Variants in MYH7B observed in about 807,000 individuals in gnomAD.
MYH7B encodes myosin-7B.
In MYH7B, 205 loss-of-function variants were observed where a neutral mutation model predicts 234.5. The observed-to-expected ratio is 0.87, with a 90% CI of 0.78 to 0.98. MYH7B has a LOEUF of 0.98. Among genes scored for constraint, MYH7B ranks in the 50% least tolerant of loss-of-function variants. The probability of loss-of-function intolerance (pLI) is 0.00; values close to 1 mark genes in which losing one functional copy is unlikely to be tolerated. For missense variants in MYH7B, 2,652 were observed against 2,633.4 expected, an observed-to-expected ratio of 1.01 and a Z score of -0.15; for synonymous variants, 1,193 against 1,105.0, an observed-to-expected ratio of 1.08 and a Z score of -1.58.
chr20:34,993,162 C>G (rs772186646), exon 25 of MYH7B: 2 of 1,614,032 alleles, frequency 1.2e-6, no homozygotes, highest in South Asian at 2.2e-5. Flanking sequence ...GCAGGAAGGC[C>G]ACAGAGAAAC....
chr20:34,966,964 C>G (rs924689542), intron 2 of MYH7B, among the ~76,000 whole-genome samples: 1 of 151,852 alleles, frequency 6.6e-6, no homozygotes, highest in East Asian at 1.9e-4. Context: ...AGCACGGTGG[C>G]TCACACCTGT....
At chr20:34,993,268 TCA>T in intron 25 of MYH7B, 43 bp downstream of exon 25, 2 of 1,613,840 alleles carry the variant, frequency 1.2e-6, no homozygotes, top group Non-Finnish European at 1.7e-6. Flanking sequence ...GCTGTGGCGG[TCA>T]CACTGGGCAG....
chr20:34,963,487 C>T (rs2081716409), intron 2 of MYH7B, among the ~76,000 whole-genome samples: 1 of 152,154 alleles, frequency 6.6e-6, no homozygotes, highest in Non-Finnish European at 1.5e-5. Context: ...ATAGTAGATC[C>T]TTCCTTATAT....
intron 10 of MYH7B, 41 bp downstream of exon 10, chr20:34,982,596 G>T: frequency 1.4e-6 from 2 of 1,446,822 alleles, no homozygotes; most frequent in South Asian, 1.3e-5. Flanking sequence ...GTTGCTTCTC[G>T]CTGTTTTTCT....
At chr20:35,000,875 C>T (rs367704157) in exon 40 of MYH7B, 1 of 1,612,318 alleles carries the variant, frequency 6.2e-7, no homozygotes, top group South Asian at 1.1e-5. Context: ...AGGAGAAGGC[C>T]AAAAAGGCCA....
chr20:35,000,479 G>A (rs759327171), exon 39 of MYH7B: 4 of 1,601,102 alleles, frequency 2.5e-6, no homozygotes, highest in Non-Finnish European at 2.5e-6. Context: ...TGCAGGCACA[G>A]CTCAAGGAGG....
At chr20:34,972,757 G>T (rs1341745452) in intron 2 of MYH7B, among the ~76,000 whole-genome samples, 1 of 152,048 alleles carries the variant, frequency 6.6e-6, no homozygotes, top group African/African-American at 2.4e-5. Context: ...TCAGCCTCCT[G>T]AGTAGCTGAG....
intron 19 of MYH7B, among the ~76,000 whole-genome samples, chr20:34,988,865 A>C (rs2082086416): frequency 7.1e-6 from 1 of 140,392 alleles, no homozygotes; most frequent in African/African-American, 2.7e-5. Flanking sequence ...GCTGGAGTAC[A>C]ATGGCACCAT....
exon 43 of MYH7B, chr20:35,001,451 C>A (rs747791000): frequency 4.4e-6 from 7 of 1,604,468 alleles, no homozygotes; most frequent in Non-Finnish European, 6.0e-6. Flanking sequence ...ACAGGAAGAA[C>A]CTGGCTCGCA....
intron 27 of MYH7B, 145 bp downstream of exon 27, chr20:34,994,546 C>T: frequency 1.9e-6 from 2 of 1,037,816 alleles, no homozygotes; most frequent in Non-Finnish European, 2.7e-6. Context: ...CTCCATGTCC[C>T]AGCCTCACCA....
intron 2 of MYH7B, among the ~76,000 whole-genome samples, chr20:34,969,116 A>T (rs986482132): frequency 1.6e-4 from 25 of 151,986 alleles, no homozygotes; most frequent in Non-Finnish European, 1.5e-5. Flanking sequence ...TTGCATAGAC[A>T]CATCTTGTCC....
At chr20:34,999,077 G>A in exon 36 of MYH7B, 3 of 1,611,516 alleles carry the variant, frequency 1.9e-6, no homozygotes, top group Non-Finnish European at 2.5e-6. Flanking sequence ...CACTGCGGCT[G>A]CAGGAGGCAG....
chr20:34,988,301 T>A, intron 19 of MYH7B, 39 bp downstream of exon 19: 2 of 1,586,746 alleles, frequency 1.3e-6, no homozygotes, highest in Non-Finnish European at 1.7e-6. Context: ...GAAGGGAGGG[T>A]GTGTGTGGTG....
chr20:34,984,107 C>T (rs1047385542), intron 10 of MYH7B, among the ~76,000 whole-genome samples: 2 of 152,212 alleles, frequency 1.3e-5, no homozygotes, highest in Admixed American at 1.3e-4. Context: ...CCACTCCCTG[C>T]CCAGAGCTAA....
At chr20:34,969,286 G>C (rs1298729479) in intron 2 of MYH7B, among the ~76,000 whole-genome samples, 1 of 152,102 alleles carries the variant, frequency 6.6e-6, no homozygotes, top group Admixed American at 6.5e-5. Flanking sequence ...GATCATGCTG[G>C]AAGTGACCCT....
At position 34,986,957 on chromosome 20, in the gene MYH7B, A is replaced by G. The variant is rs757452082; in HGVS notation, c.976A>G (p.Met326Val). ...CCAGGGCGTCATCACCGTGGACAAC[A>G]TGAATGATGGGGAGGAGCTCATCGC... Residue 326 changes from methionine (M) to valine (V), a missense_variant, in exon 15 of 45, where the codon ATG becomes GTG. By Grantham distance (21) the Met-to-Val change is conservative. Coordinates refer to ENST00000262873, the Ensembl canonical transcript of MYH7B. 6.8e-6 allele frequency: 11 copies of G among 1,613,928 alleles called. No individual in the cohort carries two copies. Among genetic ancestry groups the G allele is most frequent in the Non-Finnish European group, 8.5e-6 (10 of 1,180,020 alleles).
chr20:34,984,791 G>A (rs2081990593), intron 11 of MYH7B, 63 bp from the exon 12 acceptor site: 2 of 1,601,054 alleles, frequency 1.2e-6, no homozygotes, highest in Admixed American at 3.4e-5. Flanking sequence ...GGCCACGGGT[G>A]GCTCTGGCCT....
At chr20:34,977,883 G>T in intron 4 of MYH7B, 51 bp from the exon 5 acceptor site, 2 of 1,608,864 alleles carry the variant, frequency 1.2e-6, no homozygotes, top group Non-Finnish European at 1.7e-6. Context: ...TGGTCTTGTG[G>T]GTTGGGGGAT....
chr20:34,966,173 G>A (rs2081739828), intron 2 of MYH7B, among the ~76,000 whole-genome samples: 1 of 152,212 alleles, frequency 6.6e-6, no homozygotes, highest in South Asian at 2.1e-4. Flanking sequence ...GTTGGAGGGT[G>A]GGTGGCCTCA....
Sources: allele counts gnomAD v4.1 joint callset (sites outside exome capture counted in the v4.1 genomes callset), GRCh38; gene constraint gnomAD v4.1.1; transcripts MANE v1.5; gene names NCBI Gene and HGNC (gene_info 2026-07-23, HGNC 2026-07-21).